Variants in VPS37A observed in about 807,000 individuals in gnomAD.
The protein encoded by VPS37A is VPS37A subunit of ESCRT-I, also known as vacuolar protein sorting-associated protein 37A.
VPS37A carries 30 observed loss-of-function variants against 49.8 expected under a neutral mutation model. That is an observed-to-expected ratio of 0.60 (90% CI 0.45 to 0.82). The LOEUF is 0.82. VPS37A is among the 40% of genes least tolerant of loss of function. VPS37A has a pLI of 0.00. For missense variants in VPS37A, 593 were observed against 464.4 expected (o/e 1.28, Z -2.55); for synonymous variants, 195 against 160.6 (o/e 1.21, Z -1.62).
At chr8:17,300,483 C>A (rs954326476), downstream of VPS37A, among the ~76,000 whole-genome samples, 3 of 152,146 alleles carry the variant, frequency 2.0e-5, no homozygotes, top group Non-Finnish European at 4.4e-5. Context: ...TTGAAGCACC[C>A]AGTGAACCCT....
rs761478224 is a variant in VPS37A, at chr8:17,280,390, C to G, written c.916C>G (p.Gln306Glu). The G allele has an allele frequency of 2.5e-6, 4 of 1,609,406 alleles. No homozygotes were observed. Among genetic ancestry groups the G allele is most frequent in the Non-Finnish European group, 3.4e-6 (4 of 1,178,516 alleles). ...TVLDKYELLTQMKSTFEKKMQ... is the reference protein window; with the variant it reads ...TVLDKYELLTEMKSTFEKKMQ... ...TCTCTTTTAGTATGAATTACTTACA[C>G]AGATGAAGTCCACTTTCGAAAAGAA... The change falls in exon 9 of 12, where the codon CAG (glutamine) becomes GAG (glutamate). Residue 306 changes from glutamine (Q) to glutamate (E), a missense_variant. Physicochemically the swap from Gln to Glu is conservative, Grantham distance 29. Transcript: ENST00000324849.
chr8:17,275,766 G>A (rs1814456461), intron 5 of VPS37A, among the ~76,000 whole-genome samples: 2 of 152,148 alleles, frequency 1.3e-5, no homozygotes, highest in South Asian at 4.1e-4. Context: ...CATTACTCAA[G>A]TATGAAACCA....
At chr8:17,314,495 G>A in the VPS37A span, among the ~76,000 whole-genome samples, 5 of 152,072 alleles carry the variant, frequency 3.3e-5, no homozygotes, top group Non-Finnish European at 7.4e-5. Flanking sequence ...TGAACTCTTT[G>A]AAAGCACTGT....
At chr8:17,270,871 A>T (rs183658437) in intron 4 of VPS37A, among the ~76,000 whole-genome samples, 1 of 152,304 alleles carries the variant, frequency 6.6e-6, no homozygotes, top group African/African-American at 2.4e-5. Flanking sequence ...TCAAGTACAG[A>T]TGAGGTTTCT....
At chr8:17,283,780 T>G (rs1441255060) in intron 9 of VPS37A, among the ~76,000 whole-genome samples, 2 of 152,230 alleles carry the variant, frequency 1.3e-5, no homozygotes, top group Non-Finnish European at 2.9e-5. Context: ...GAAATATTAA[T>G]CATCTTTAAG....
chr8:17,268,421 C>T (rs1163318169), intron 3 of VPS37A, 49 bp downstream of exon 3: 2 of 1,300,416 alleles, frequency 1.5e-6, no homozygotes, highest in Non-Finnish European at 2.1e-6. Flanking sequence ...AGGTGTATTA[C>T]TTTTCTACTA....
At chr8:17,272,354 T>C (rs887585782) in intron 4 of VPS37A, among the ~76,000 whole-genome samples, 1 of 152,192 alleles carries the variant, frequency 6.6e-6, no homozygotes, top group Non-Finnish European at 1.5e-5. Flanking sequence ...CTTCCTGTTT[T>C]CTATGTTCTA....
Position 17,280,113 on chromosome 8 carries a change from A to G in VPS37A, c.799A>G (p.Thr267Ala). 1 of 1,612,810 alleles carries G rather than the reference A, an allele frequency of 6.2e-7. No individual in the cohort carries two copies. Among genetic ancestry groups the G allele is most frequent in the Non-Finnish European group, 8.5e-7 (1 of 1,179,312 alleles). The change falls in exon 7 of 12, where the codon ACC (threonine) becomes GCC (alanine). Residue 267 changes from threonine to alanine, a missense_variant. Physicochemically the swap from Thr to Ala is moderately conservative, Grantham distance 58. Transcript: ENST00000324849. ...LTLPQLKQII[T>A]DKDDLVKSIE... Reference sequence around the variant, plus strand: ...TTTGCCTCAACTAAAACAAATTATTACCGACAAAGATGACTTAGTAAAAAG... The same window carrying G: ...TTTGCCTCAACTAAAACAAATTATTGCCGACAAAGATGACTTAGTAAAAAG...
the VPS37A span, among the ~76,000 whole-genome samples, chr8:17,313,618 C>T: frequency 3.0e-4 from 46 of 152,150 alleles, no homozygotes; most frequent in Non-Finnish European, 5.7e-4. Context: ...ACAGGGAATG[C>T]TGCACTTGTT....
In VPS37A at chr8:17,296,285, A is replaced by G. The variant is rs151214979; in HGVS notation, c.*1299A>G. ...AGGTATTCACGTGGACTGAGATACA[A>G]TGTTGGATACAGAAAATAACTTTCA... On this transcript the variant is annotated 3_prime_UTR_variant, in exon 12 of 12. Coordinates refer to ENST00000324849, the MANE Select transcript of VPS37A (RefSeq NM_152415.3). The G allele has an allele frequency of 5.3e-5, 8 of 152,326 alleles. No homozygotes were observed. The highest frequency in any genetic ancestry group is 2.1e-4 in the South Asian group (1 of 4,820). The allele number at this position is 152,326 out of a possible 1,614,324, so 9.4% of individuals were successfully genotyped here.
rs577980646 is a variant in VPS37A at position 17,267,702 on chromosome 8, A to G, written c.201-556A>G. 5.3e-5 allele frequency among the ~76,000 whole-genome samples: 8 copies of G among 152,296 alleles called. 1 individual carries two copies. The South Asian group carries it at 1.7e-3, about 32-fold the overall frequency. On this transcript the variant is annotated intron_variant, in intron 2 of 11. Coordinates refer to ENST00000324849, the MANE Select transcript of VPS37A (RefSeq NM_152415.3). ...ATGTTATTTATTTTTATCTTACTTTAGTTTTTCAAAGATGAGGTCTCACTG... is the reference window on the plus strand; with the variant it reads ...ATGTTATTTATTTTTATCTTACTTTGGTTTTTCAAAGATGAGGTCTCACTG...
intron 2 of VPS37A, among the ~76,000 whole-genome samples, chr8:17,267,545 G>T (rs1485481930): frequency 6.6e-6 from 1 of 152,150 alleles, no homozygotes; most frequent in Non-Finnish European, 1.5e-5. Flanking sequence ...TGGGAGAGAT[G>T]TGTCATTTGG....
rs1432140530 is a variant in VPS37A at position 17,247,064 on chromosome 8, T to G, written c.-181T>G. 6.5e-6 allele frequency: 5 copies of G among 769,686 alleles called. No homozygotes were observed. The highest frequency in any genetic ancestry group is 5.8e-5 in the Admixed American group (2 of 34,586). 47.7% of individuals were successfully genotyped at this position (769,686 alleles called of 1,614,324 possible). ...TCCCTCTCCAGCCGCCCGCCGTTCG[T>G]AGCATGTCCCCCAGAACTCGGGGAG... On this transcript the variant is annotated 5_prime_UTR_variant, in exon 1 of 12. Transcript: ENST00000324849.
chr8:17,319,224 C>T, the VPS37A span, among the ~76,000 whole-genome samples: 1 of 152,216 alleles, frequency 6.6e-6, no homozygotes, highest in African/African-American at 2.4e-5. Flanking sequence ...GGGCTAGTTA[C>T]TGAGCCTCGC....
Position 17,248,343 on chromosome 8 carries a change from C to T in VPS37A, c.125+974C>T, listed in dbSNP as rs756764529. On this transcript the variant is annotated intron_variant, in intron 1 of 11. Coordinates refer to ENST00000324849, the MANE Select transcript of VPS37A (RefSeq NM_152415.3). ...GCAGTGGCGCGATCTCGGTTCACTG[C>T]AACCTCCGTCTCCCGGATTCAAGCA... 6.9e-4 allele frequency: 314 copies of T among 454,166 alleles called. 2 individuals are homozygous for T. Among genetic ancestry groups the T allele is most frequent in the South Asian group, 3.7e-3 (241 of 64,504 alleles). The allele number at this position is 454,166 out of a possible 1,614,324, so 28.1% of individuals were successfully genotyped here. A position where few individuals can be genotyped will look rare whatever the true frequency, so the allele number is the denominator to read the frequency against.
At chr8:17,317,988 G>C in the VPS37A span, among the ~76,000 whole-genome samples, 3 of 151,994 alleles carry the variant, frequency 2.0e-5, no homozygotes, top group Non-Finnish European at 4.4e-5. Flanking sequence ...TGTTTAACTG[G>C]AACAGAAACA....
At chr8:17,289,591 T>G (rs1586073103) in intron 11 of VPS37A, among the ~76,000 whole-genome samples, 1 of 152,342 alleles carries the variant, frequency 6.6e-6, no homozygotes, top group Admixed American at 6.5e-5. Context: ...CGTGCTGTTT[T>G]GGTTACTGTA....
chr8:17,248,474 C>T (rs371343616), intron 1 of VPS37A: 8 of 433,162 alleles, frequency 1.8e-5, no homozygotes, highest in South Asian at 8.0e-5. Context: ...CGGGGTTTCA[C>T]CACATTGGTC....
the VPS37A span, among the ~76,000 whole-genome samples, chr8:17,329,252 C>G: frequency 1.3e-5 from 2 of 152,180 alleles, no homozygotes; most frequent in African/African-American, 4.8e-5. Context: ...GATTGCAACA[C>G]TTCATCATCA....
Sources: gnomAD v4.1 joint callset for allele counts (sites outside exome capture counted in the v4.1 genomes callset) on GRCh38, gnomAD v4.1.1 for gene constraint, MANE v1.5 for transcripts, NCBI Gene and HGNC (gene_info 2026-07-23, HGNC 2026-07-21) for gene names.